APBA1: variants seen among roughly 807,000 people sequenced by gnomAD.
APBA1 encodes the protein amyloid beta precursor protein binding family A member 1, also known as amyloid-beta A4 precursor protein-binding family A member 1.
APBA1 carries 55 observed loss-of-function variants against 86.6 expected under a neutral mutation model. That is an observed-to-expected ratio of 0.64 (90% CI 0.51 to 0.80). The LOEUF is 0.80. APBA1 is among the 30% of genes least tolerant of loss of function. The probability of loss-of-function intolerance (pLI) is 0.00; values close to 1 mark genes in which losing one functional copy is unlikely to be tolerated. For missense variants in APBA1, 1,090 were observed against 1,183.0 expected, an observed-to-expected ratio of 0.92 and a Z score of 1.15; for synonymous variants, 511 against 493.9, an observed-to-expected ratio of 1.03 and a Z score of -0.46.
intron 1 of APBA1, among the ~76,000 whole-genome samples, chr9:69,654,290 C>G (rs1248616666): frequency 1.3e-5 from 2 of 151,866 alleles, no homozygotes; most frequent in Admixed American, 1.3e-4. Flanking sequence ...AAATCCTTAG[C>G]TAGACTTACT....
intron 2 of APBA1, among the ~76,000 whole-genome samples, chr9:69,511,783 T>G (rs1248686272): frequency 6.6e-6 from 1 of 152,030 alleles, no homozygotes; most frequent in Admixed American, 6.6e-5. Context: ...GGGACATGGA[T>G]GAAATTGGAA....
chr9:69,660,808 G>T (rs1365722756), intron 1 of APBA1, among the ~76,000 whole-genome samples: 1 of 152,120 alleles, frequency 6.6e-6, no homozygotes, highest in Non-Finnish European at 1.5e-5. Flanking sequence ...ATCTTTCTCA[G>T]TGTTAAGGGA....
chr9:69,505,879 C>T (rs962461776), intron 2 of APBA1, among the ~76,000 whole-genome samples: 2 of 151,908 alleles, frequency 1.3e-5, no homozygotes, highest in African/African-American at 4.8e-5. Context: ...ATTAGATGGG[C>T]ATGGTGGCAT....
intron 1 of APBA1, among the ~76,000 whole-genome samples, chr9:69,534,597 C>T (rs868192506): frequency 6.6e-6 from 1 of 152,104 alleles, no homozygotes; most frequent in Non-Finnish European, 1.5e-5. Flanking sequence ...ATACAATAAG[C>T]CAATAAAATT....
intron 1 of APBA1, among the ~76,000 whole-genome samples, chr9:69,656,894 G>A (rs555796974): frequency 1.4e-5 from 2 of 147,358 alleles, no homozygotes; most frequent in South Asian, 2.1e-4. Flanking sequence ...GCCGGACTGC[G>A]GACTGCAGTG....
intron 11 of APBA1, among the ~76,000 whole-genome samples, chr9:69,434,885 G>C (rs912512830): frequency 6.6e-6 from 1 of 151,398 alleles, no homozygotes; most frequent in African/African-American, 2.4e-5. Context: ...ATGTTGGTGT[G>C]CTACACCCAT....
intron 2 of APBA1, among the ~76,000 whole-genome samples, chr9:69,514,349 G>A (rs1836098996): frequency 6.6e-6 from 1 of 152,144 alleles, no homozygotes; most frequent in Non-Finnish European, 1.5e-5. Flanking sequence ...CCAGCACTTT[G>A]GGAAGCCAAG....
At chr9:69,554,729 C>T (rs991303818) in intron 1 of APBA1, among the ~76,000 whole-genome samples, 7 of 152,066 alleles carry the variant, frequency 4.6e-5, no homozygotes, top group African/African-American at 1.7e-4. Context: ...AGAGATTTTG[C>T]TACTGCCTCT....
intron 1 of APBA1, among the ~76,000 whole-genome samples, chr9:69,593,523 T>A (rs934684685): frequency 2.0e-5 from 3 of 151,990 alleles, no homozygotes; most frequent in African/African-American, 7.3e-5. Context: ...CCTGAGGGAG[T>A]GAGAGCTGAG....
At chr9:69,470,178 T>C (rs920505257) in intron 4 of APBA1, among the ~76,000 whole-genome samples, 1 of 152,200 alleles carries the variant, frequency 6.6e-6, no homozygotes, top group Non-Finnish European at 1.5e-5. Flanking sequence ...TAATTGAATA[T>C]CACTGTCATC....
intron 1 of APBA1, among the ~76,000 whole-genome samples, chr9:69,566,818 C>T (rs1004030001): frequency 3.3e-5 from 5 of 152,098 alleles, no homozygotes; most frequent in Non-Finnish European, 7.3e-5. Context: ...CCCACCCCAC[C>T]CACCATCACA....
intron 1 of APBA1, among the ~76,000 whole-genome samples, chr9:69,527,213 C>G (rs561389709): frequency 4.0e-5 from 6 of 151,820 alleles, no homozygotes; most frequent in African/African-American, 1.4e-4. Context: ...ACATGTACCC[C>G]CTGAATCTAA....
chr9:69,505,319 C>A (rs1835941380), intron 2 of APBA1, among the ~76,000 whole-genome samples: 1 of 152,052 alleles, frequency 6.6e-6, no homozygotes, highest in Admixed American at 6.5e-5. Context: ...GCTGCTCCCG[C>A]TTGGAAGCAA....
chr9:69,611,860 A>G (rs1317091640), intron 1 of APBA1, among the ~76,000 whole-genome samples: 1 of 152,204 alleles, frequency 6.6e-6, no homozygotes, highest in East Asian at 1.9e-4. Context: ...AATGAGTGCT[A>G]TATTAACTAT....
intron 1 of APBA1, among the ~76,000 whole-genome samples, chr9:69,598,892 T>C (rs930302614): frequency 2.6e-5 from 4 of 152,232 alleles, no homozygotes; most frequent in African/African-American, 9.6e-5. Flanking sequence ...AGTTTATATT[T>C]CATTCATTGT....
chr9:69,630,326 A>C (rs749720759), intron 1 of APBA1, among the ~76,000 whole-genome samples: 1 of 152,180 alleles, frequency 6.6e-6, no homozygotes, highest in Non-Finnish European at 1.5e-5. Context: ...AATTGAGTCA[A>C]CAGGCCAACT....
chr9:69,578,312 G>A (rs1267506572), intron 1 of APBA1, among the ~76,000 whole-genome samples: 1 of 152,224 alleles, frequency 6.6e-6, no homozygotes, highest in Non-Finnish European at 1.5e-5. Flanking sequence ...CCAAGCCACA[G>A]CACAGCTGGC....
rs150352923 is a variant in APBA1, at chr9:69,483,504, G to T, written c.1201-7361C>A. 1.7e-3 allele frequency among the ~76,000 whole-genome samples: 262 copies of T among 152,130 alleles called. 4 individuals carry two copies. The highest frequency in any genetic ancestry group is 5.9e-3 in the African/African-American group (246 of 41,514). ...TGAGGGGGCACGCTGATAGACAAGGGGGAGCTTGGTGAGCATAGTGTGAAA... is the reference window on the plus strand; with the variant it reads ...TGAGGGGGCACGCTGATAGACAAGGTGGAGCTTGGTGAGCATAGTGTGAAA... On this transcript the variant is annotated intron_variant, in intron 2 of 12. Transcript: ENST00000265381.
intron 1 of APBA1, among the ~76,000 whole-genome samples, chr9:69,537,860 A>G (rs1029064): frequency 0.13 from 20,011 of 151,892 alleles, 1,769 homozygotes; most frequent in East Asian, 0.29. Context: ...CATTGTTGCA[A>G]ATGTTTTCCC....
Sources: allele counts gnomAD v4.1 joint callset (sites outside exome capture counted in the v4.1 genomes callset), GRCh38; gene constraint gnomAD v4.1.1; transcripts MANE v1.5; gene names NCBI Gene and HGNC (gene_info 2026-07-23, HGNC 2026-07-21).